Variants in PLA2G4D observed in about 807,000 individuals in gnomAD.
PLA2G4D encodes phospholipase A2 group IVD.
A neutral mutation model predicts 94.4 loss-of-function variants in PLA2G4D; 80 were observed. The observed-to-expected ratio is 0.85, with a 90% CI of 0.71 to 1.02. The LOEUF (loss-of-function observed/expected upper bound fraction) is 1.02. Ranked by LOEUF, PLA2G4D falls within the 50% of genes least tolerant of loss-of-function variation. The pLI is 0.00. For missense variants in PLA2G4D, 1,050 were observed against 1,034.7 expected, an observed-to-expected ratio of 1.01 and a Z score of -0.20; for synonymous variants, 438 against 440.9, an observed-to-expected ratio of 0.99 and a Z score of 0.08.
At chr15:42,083,939 G>C (rs531337930) in intron 6 of PLA2G4D, 160 bp from the exon 7 acceptor site, 4 of 666,524 alleles carry the variant, frequency 6.0e-6, no homozygotes, top group Admixed American at 5.0e-5. Flanking sequence ...TCCCATTGCC[G>C]ATCCTCTGCC....
chr15:42,069,952 G>C lies in PLA2G4D; in HGVS notation c.2187C>G (p.His729Gln), dbSNP rs1334790947. 2 of 1,459,888 alleles carry C rather than the reference G, an allele frequency of 1.4e-6. No individual in the cohort carries two copies. Among genetic ancestry groups the C allele is most frequent in the Non-Finnish European group, 1.8e-6 (2 of 1,109,152 alleles). The allele number at this position is 1,459,888 out of a possible 1,614,324, so 90.4% of individuals were successfully genotyped here. A position where few individuals can be genotyped will look rare whatever the true frequency, so the allele number is the denominator to read the frequency against. Reference protein sequence around the residue: ...PACPEAPILLHFPLVNASFKD... With the variant: ...PACPEAPILLQFPLVNASFKD... ...TGAAGGAGGCATTGACCAGCGGGAA[G>C]TGCAGCAGGATCGGGGCCTCGGGGC... Residue 729 changes from histidine to glutamine, a missense_variant, in exon 19 of 20, where the codon CAC becomes CAG. By Grantham distance (24) the His-to-Gln change is conservative. Transcript: ENST00000290472.
chr15:42,085,616 CCT>C, intron 4 of PLA2G4D, 85 bp from the exon 5 acceptor site: 1 of 1,394,176 alleles, frequency 7.2e-7, no homozygotes, highest in Non-Finnish European at 1.0e-6. Flanking sequence ...GTCATCTCAT[CCT>C]CTCAAGCGGT....
chr15:42,079,492 C>A, intron 13 of PLA2G4D, 45 bp downstream of exon 13: 1 of 1,535,004 alleles, frequency 6.5e-7, no homozygotes, highest in East Asian at 2.5e-5. Context: ...GCCTTCGCCC[C>A]CGCGGTGCAC....
chr15:42,071,587 A>G, intron 15 of PLA2G4D, 36 bp from the exon 16 acceptor site: 2 of 1,578,664 alleles, frequency 1.3e-6, no homozygotes, highest in South Asian at 2.3e-5. Flanking sequence ...CTCAGGCCCC[A>G]GCCAGCGGCC....
chr15:42,070,281 C>T, intron 18 of PLA2G4D, 186 bp from the exon 19 acceptor site: 1 of 591,490 alleles, frequency 1.7e-6, no homozygotes, highest in Non-Finnish European at 2.8e-6. Context: ...TGGTGGTCTG[C>T]AATGTTGTTT....
At chr15:42,086,533 C>T (rs1033216165) in intron 3 of PLA2G4D, among the ~76,000 whole-genome samples, 189 bp from the exon 4 acceptor site, 1 of 152,118 alleles carries the variant, frequency 6.6e-6, no homozygotes, top group Non-Finnish European at 1.5e-5. Flanking sequence ...CAAATTTCCT[C>T]CTTCTAATTT....
chr15:42,078,322 C>G (rs1392336813), intron 13 of PLA2G4D, among the ~76,000 whole-genome samples: 1 of 152,212 alleles, frequency 6.6e-6, no homozygotes, highest in Non-Finnish European at 1.5e-5. Flanking sequence ...TTGTTTGCCC[C>G]TGGGGCAGGA....
At chr15:42,085,218 G>A in intron 5 of PLA2G4D, 80 bp from the exon 6 acceptor site, 1 of 1,512,278 alleles carries the variant, frequency 6.6e-7, no homozygotes, top group South Asian at 1.1e-5. Flanking sequence ...CTCCCTGGGT[G>A]ATGCTGAGGG....
rs116032212 is a variant in PLA2G4D, at chr15:42,093,110, C to G, written c.45+1305G>C. Among the ~76,000 whole-genome samples the G allele has an allele frequency of 7.9e-3, 1,196 of 152,302 alleles. 21 individuals are homozygous for G. Among genetic ancestry groups the G allele is most frequent in the African/African-American group, 0.028 (1,147 of 41,566 alleles). On this transcript the variant is annotated intron_variant, in intron 1 of 19. Transcript: ENST00000290472. The stretch of plus-strand genomic sequence containing the variant: ...GCCTAGCCTGCTGGCCCAGGTCCCG[C>G]TCTGGGGCAGGTTCCAGGCCCCTGT...
chr15:42,077,104 C>T (rs1889945110), intron 13 of PLA2G4D, among the ~76,000 whole-genome samples: 1 of 152,104 alleles, frequency 6.6e-6, no homozygotes, highest in Non-Finnish European at 1.5e-5. Context: ...TATCACCCAT[C>T]AAAGAAAAGT....
rs17747505 is a variant in PLA2G4D, at chr15:42,071,282, G to T, written c.1717C>A (p.Arg573=). ...GGCTGCAGCCACGAGGCCTCCAGCC[G>T]CGAGGAGGTCCCCGAGGTGGTCAGG... The part of the protein sequence containing the change: ...EPLTTSGTSS[R]LEASWLQPGT... The change falls in exon 17 of 20, where the codon CGG becomes AGG. Residue 573 remains arginine (R), a synonymous_variant. Transcript: ENST00000290472. 2.0e-4 allele frequency: 315 copies of T among 1,598,436 alleles called. No homozygotes were observed. Among genetic ancestry groups the T allele is most frequent in the African/African-American group, 3.1e-4 (23 of 73,876 alleles).
At chr15:42,093,825 C>T (rs1030848045) in intron 1 of PLA2G4D, among the ~76,000 whole-genome samples, 4 of 152,018 alleles carry the variant, frequency 2.6e-5, no homozygotes, top group East Asian at 1.9e-4. Flanking sequence ...CCTGGGGCAC[C>T]GGGGGGAGAC....
Position 42,082,357 on chromosome 15 carries a change from G to A in PLA2G4D, c.705C>T (p.Asn235=). 6.2e-7 allele frequency: 1 copy of A among 1,614,104 alleles called. No homozygotes were observed. The highest frequency in any genetic ancestry group is 1.6e-4 in the Middle Eastern group (1 of 6,062). The change falls in exon 9 of 20, where the codon AAC becomes AAT. Residue 235 remains asparagine (N), a synonymous_variant. Coordinates refer to ENST00000290472, the MANE Select transcript of PLA2G4D (RefSeq NM_178034.4). ...SSRSNGWNGD[N]SAGYLTVPLR... Reference sequence around the variant, plus strand: ...GGGGCACAGTGAGGTACCCAGCTGAGTTGTCCCCATTCCAGCCATTGCTTC... The same window carrying A: ...GGGGCACAGTGAGGTACCCAGCTGAATTGTCCCCATTCCAGCCATTGCTTC...
At position 42,087,647 on chromosome 15, in the gene PLA2G4D, G is replaced by T. The variant is rs759573272; in HGVS notation, c.99C>A (p.Asn33Lys). The change falls in exon 2 of 20, where the codon AAC becomes AAA. Residue 33 changes from asparagine (N) to lysine (K), a missense_variant. Transcript: ENST00000290472. ...QLTVRVLEARNLRWADLLSEA... is the reference protein window; with the variant it reads ...QLTVRVLEARKLRWADLLSEA... ...ACTCACACAGGTCAGCCCAGCGCAG[G>T]TTCCGCGCCTCCAGGACCCTCACTG... is the stretch of plus-strand genomic sequence containing the variant. 7.4e-6 allele frequency: 12 copies of T among 1,614,064 alleles called. No homozygotes were observed. The highest frequency in any genetic ancestry group is 2.2e-5 in the East Asian group (1 of 44,888).
Position 42,067,746 on chromosome 15 carries a change from A to G in PLA2G4D, c.*969T>C, listed in dbSNP as rs1452029504. On this transcript the variant is annotated 3_prime_UTR_variant, in exon 20 of 20. Transcript: ENST00000290472. ...CCCATAGACACAGAAAAATCACTTG[A>G]CAAAACCTAACACCGTTTCATCATA... 6.6e-6 allele frequency: 1 copy of G among 152,236 alleles called. No individual in the cohort carries two copies. The highest frequency in any genetic ancestry group is 1.5e-5 in the Non-Finnish European group (1 of 68,058). 9.4% of individuals were successfully genotyped at this position (152,236 alleles called of 1,614,324 possible).
intron 7 of PLA2G4D, 46 bp from the exon 8 acceptor site, chr15:42,083,380 C>T (rs1357907009): frequency 1.3e-6 from 2 of 1,579,344 alleles, no homozygotes; most frequent in Admixed American, 1.8e-5. Flanking sequence ...GAGCCCGGAA[C>T]CCCAGCTCGG....
chr15:42,092,666 G>C (rs1890264628), intron 1 of PLA2G4D, among the ~76,000 whole-genome samples: 1 of 152,114 alleles, frequency 6.6e-6, no homozygotes, highest in Admixed American at 6.5e-5. Context: ...ATGCCTCCCT[G>C]CTGAGGGTCT....
chr15:42,069,635 T>C (rs142777980), intron 19 of PLA2G4D, among the ~76,000 whole-genome samples: 246 of 151,860 alleles, frequency 1.6e-3, no homozygotes, highest in African/African-American at 5.4e-3. Context: ...CCTGGGCAGC[T>C]GGGGGTACTA....
intron 3 of PLA2G4D, among the ~76,000 whole-genome samples, 192 bp from the exon 4 acceptor site, chr15:42,086,536 T>C (rs1595598165): frequency 6.6e-6 from 1 of 152,198 alleles, no homozygotes; most frequent in Admixed American, 6.5e-5. Flanking sequence ...ATTTCCTCCT[T>C]CTAATTTTTG....
Sources: allele counts gnomAD v4.1 joint callset (sites outside exome capture counted in the v4.1 genomes callset), GRCh38; gene constraint gnomAD v4.1.1; transcripts MANE v1.5; gene names NCBI Gene and HGNC (gene_info 2026-07-23, HGNC 2026-07-21).